Variants in RALGAPA2 observed in about 807,000 individuals in gnomAD.
RALGAPA2 encodes the protein Ral GTPase activating protein catalytic subunit alpha 2, also known as ral GTPase-activating protein subunit alpha-2.
RALGAPA2 carries 139 observed loss-of-function variants against 230.4 expected under a neutral mutation model. That is an observed-to-expected ratio of 0.60 (90% CI 0.53 to 0.69). RALGAPA2 has a LOEUF of 0.69. Among genes scored for constraint, RALGAPA2 ranks in the 30% least tolerant of loss-of-function variants. The pLI is 0.00. For synonymous variants in RALGAPA2, 847 were observed against 837.8 expected, an observed-to-expected ratio of 1.01 and a Z score of -0.19; for missense variants, 2,163 against 2,276.0, an observed-to-expected ratio of 0.95 and a Z score of 1.01.
intron 24 of RALGAPA2, among the ~76,000 whole-genome samples, chr20:20,542,628 TTGACAAATC>T (rs1273792529): frequency 6.6e-6 from 1 of 152,186 alleles, no homozygotes; most frequent in African/African-American, 2.4e-5. Flanking sequence ...CATCTGATCT[TTGACAAATC>T]TGACAAAAAC....
At chr20:20,620,145 G>C (rs747409972) in intron 11 of RALGAPA2, among the ~76,000 whole-genome samples, 21 of 152,252 alleles carry the variant, frequency 1.4e-4, no homozygotes, top group Non-Finnish European at 2.6e-4. Flanking sequence ...GGAGAAGGTA[G>C]TGATTTTTTT....
intron 1 of RALGAPA2, among the ~76,000 whole-genome samples, chr20:20,681,883 A>AAAAC (rs566739944): frequency 2.6e-5 from 4 of 152,142 alleles, no homozygotes; most frequent in African/African-American, 7.2e-5. Context: ...AACAAAGCAA[A>AAAAC]AAACAAACAA....
intron 24 of RALGAPA2, among the ~76,000 whole-genome samples, chr20:20,544,226 C>A: frequency 6.6e-6 from 1 of 151,872 alleles, no homozygotes; most frequent in Non-Finnish European, 1.5e-5. Flanking sequence ...TTGAGACCAT[C>A]CTGGCTAACA....
At position 20,637,368 on chromosome 20, in the gene RALGAPA2, A is replaced by G; in HGVS notation, c.800T>C (p.Val267Ala). 6.3e-7 allele frequency: 1 copy of G among 1,599,492 alleles called. No homozygotes were observed. ...ACGGCTCCAACAGTACTTACCAAGT[A>G]CAGGTTTGTAGATGTTTGTTAACTT... is the stretch of plus-strand genomic sequence containing the variant. ...FTKLTNIYKPVLDIPHLRPKP... is the reference protein window; with the variant it reads ...FTKLTNIYKPALDIPHLRPKP... Residue 267 changes from valine (V) to alanine (A), a missense_variant, in exon 8 of 40, where the codon GTA (valine) becomes GCA (alanine). Transcript: ENST00000202677.
chr20:20,427,749 T>A (rs6081998), intron 37 of RALGAPA2, among the ~76,000 whole-genome samples: 96,117 of 151,582 alleles, frequency 0.63, 30,513 homozygotes, highest in African/African-American at 0.68. Flanking sequence ...GCTATGACTA[T>A]ATCTGGCCCA....
intron 4 of RALGAPA2, among the ~76,000 whole-genome samples, chr20:20,651,279 C>T (rs934165971): frequency 1.3e-5 from 2 of 152,086 alleles, no homozygotes; most frequent in African/African-American, 2.4e-5. Flanking sequence ...AATTTCCACC[C>T]AATATGATTA....
chr20:20,430,110 G>GT (rs921349098), intron 37 of RALGAPA2, among the ~76,000 whole-genome samples: 1 of 152,224 alleles, frequency 6.6e-6, no homozygotes, highest in African/African-American at 2.4e-5. Flanking sequence ...TGAAAGAGGG[G>GT]TTCAGGGCTG....
chr20:20,607,691 G>A (rs558631033), intron 14 of RALGAPA2, among the ~76,000 whole-genome samples: 4 of 152,274 alleles, frequency 2.6e-5, no homozygotes, highest in South Asian at 4.1e-4. Context: ...TGGATATAGC[G>A]CCAGCTTCAT....
chr20:20,415,551 C>T (rs1382629854), intron 37 of RALGAPA2, among the ~76,000 whole-genome samples: 1 of 152,162 alleles, frequency 6.6e-6, no homozygotes, highest in African/African-American at 2.4e-5. Flanking sequence ...GGACATTTCT[C>T]AGTTTCTTTA....
At chr20:20,705,300 G>T (rs1032652021) in intron 1 of RALGAPA2, among the ~76,000 whole-genome samples, 1 of 151,998 alleles carries the variant, frequency 6.6e-6, no homozygotes, top group Non-Finnish European at 1.5e-5. Context: ...TTGACCTTCT[G>T]GGCCCAAGTG....
At chr20:20,449,839 A>T (rs1205592215) in intron 37 of RALGAPA2, among the ~76,000 whole-genome samples, 1 of 152,240 alleles carries the variant, frequency 6.6e-6, no homozygotes, top group Admixed American at 6.5e-5. Flanking sequence ...TACAAAATAT[A>T]ATTTCATTAA....
chr20:20,451,402 T>A (rs1395135738), intron 37 of RALGAPA2, among the ~76,000 whole-genome samples: 1 of 152,148 alleles, frequency 6.6e-6, no homozygotes, highest in East Asian at 1.9e-4. Flanking sequence ...AATCTATTTT[T>A]AAAAAAATCT....
intron 37 of RALGAPA2, among the ~76,000 whole-genome samples, chr20:20,416,772 A>G (rs1409420243): frequency 1.3e-5 from 2 of 152,202 alleles, no homozygotes; most frequent in Non-Finnish European, 2.9e-5. Context: ...TTTATCAAAG[A>G]AATAAAGAGA....
chr20:20,631,512 G>A (rs946554455), intron 9 of RALGAPA2, among the ~76,000 whole-genome samples: 1 of 152,322 alleles, frequency 6.6e-6, no homozygotes, highest in African/African-American at 2.4e-5. Flanking sequence ...AAGGCTAAGT[G>A]ATGATGGAAA....
At chr20:20,549,310 C>G (rs1394929696) in intron 23 of RALGAPA2, among the ~76,000 whole-genome samples, 1 of 152,182 alleles carries the variant, frequency 6.6e-6, no homozygotes, top group Non-Finnish European at 1.5e-5. Context: ...ATGCTAAAGA[C>G]AGCAGATAGG....
chr20:20,525,287 C>T lies in RALGAPA2; in HGVS notation c.3694-389G>A, dbSNP rs376091015. Among the ~76,000 whole-genome samples the T allele has an allele frequency of 3.9e-5, 6 of 152,200 alleles. No individual in the cohort carries two copies. In the East Asian group the frequency reaches 9.6e-4, roughly 24 times the overall value. On this transcript the variant is annotated intron_variant, in intron 28 of 39. Transcript: ENST00000202677. Reference sequence around the variant, plus strand: ...TTACCCTACATCTCCACCTGCTATCCTGGTGTAAACAGCACCCCTTTTATT... The same window carrying T: ...TTACCCTACATCTCCACCTGCTATCTTGGTGTAAACAGCACCCCTTTTATT...
chr20:20,470,513 G>C (rs2061515187), intron 37 of RALGAPA2, among the ~76,000 whole-genome samples: 1 of 152,140 alleles, frequency 6.6e-6, no homozygotes, highest in Non-Finnish European at 1.5e-5. Flanking sequence ...AGTGGGGAGG[G>C]AGTGTAGGGC....
chr20:20,556,740 C>T (rs2064095251), intron 23 of RALGAPA2, among the ~76,000 whole-genome samples: 1 of 152,150 alleles, frequency 6.6e-6, no homozygotes, highest in South Asian at 2.1e-4. Context: ...GACGCTGGTA[C>T]AGAACTCCAA....
At chr20:20,573,452 G>C (rs1255787132) in intron 20 of RALGAPA2, among the ~76,000 whole-genome samples, 1 of 152,118 alleles carries the variant, frequency 6.6e-6, no homozygotes, top group African/African-American at 2.4e-5. Context: ...CAGGTTCATG[G>C]GGGTGAAATG....
Sources: allele counts gnomAD v4.1 joint callset (sites outside exome capture counted in the v4.1 genomes callset), GRCh38; gene constraint gnomAD v4.1.1; transcripts MANE v1.5; gene names NCBI Gene and HGNC (gene_info 2026-07-23, HGNC 2026-07-21).